The following DDX27 variants were observed in gnomAD, a reference collection of about 807,000 sequenced individuals.
The protein encoded by DDX27 is probable ATP-dependent RNA helicase DDX27.
DDX27 carries 42 observed loss-of-function variants against 99.3 expected under a neutral mutation model. That is an observed-to-expected ratio of 0.42 (90% CI 0.33 to 0.55). The LOEUF (loss-of-function observed/expected upper bound fraction) is 0.55, where lower values mean the gene tolerates loss of function less well. Among genes scored for constraint, DDX27 ranks in the 20% least tolerant of loss-of-function variants. The pLI is 0.07. For synonymous variants in DDX27, 329 were observed against 353.8 expected (o/e 0.93, Z 0.79); for missense variants, 798 against 976.8 (o/e 0.82, Z 2.44).
chr20:49,219,623 C>T, intron 1 of DDX27, 82 bp downstream of exon 1: 2 of 1,401,140 alleles, frequency 1.4e-6, no homozygotes, highest in African/African-American at 1.5e-5. Context: ...CCCGAATCCT[C>T]ATCATCCCCT....
chr20:49,230,039 A>G (rs1211346422), intron 8 of DDX27, among the ~76,000 whole-genome samples, 160 bp from the exon 9 acceptor site: 1 of 151,920 alleles, frequency 6.6e-6, no homozygotes, highest in Non-Finnish European at 1.5e-5. Context: ...TGTCTTTCCC[A>G]GTGCGTTTCT....
chr20:49,219,558 G>A lies in DDX27; in HGVS notation c.93+17G>A. The A allele has an allele frequency of 3.8e-6, 6 of 1,588,314 alleles. No homozygotes were observed. The highest frequency in any genetic ancestry group is 5.2e-6 in the Non-Finnish European group (6 of 1,164,268). ...GAAGAGGAGGTATGAGCACGGTTCT[G>A]GTCTTTGGGTTTCCTTGACTGCTTC... On this transcript the variant is annotated intron_variant, in intron 1 of 20. Coordinates refer to ENST00000618172, the MANE Select transcript of DDX27 (RefSeq NM_017895.8).
chr20:49,235,611 GT>G lies in DDX27; in HGVS notation c.1427+525del, dbSNP rs537925365. On this transcript the variant is annotated intron_variant, in intron 12 of 20. Transcript: ENST00000618172. ...CATCAGTGGGTGCTGAAAGGTGTTTGTTAAAGATAGGCTGATTTAAACTGAG... is the reference window on the plus strand; with the variant it reads ...CATCAGTGGGTGCTGAAAGGTGTTTGTAAAGATAGGCTGATTTAAACTGAG... 880 of 156,644 alleles carry G rather than the reference GT, an allele frequency of 5.6e-3. 2 individuals carry two copies. Among genetic ancestry groups the G allele is most frequent in the Non-Finnish European group, 9.7e-3 (688 of 70,956 alleles). 9.7% of individuals were successfully genotyped at this position (156,644 alleles called of 1,614,324 possible). A position where few individuals can be genotyped will look rare whatever the true frequency, so the allele number is the denominator to read the frequency against.
At position 49,236,301 on chromosome 20, in the gene DDX27, G is replaced by A; in HGVS notation, c.1510-32G>A. Reference sequence around the variant, plus strand: ...TGCCTCTTCGCACCCCCCTTCCCTTGCCAGGCCTGACGTTCATTTTTGACC... The same window carrying A: ...TGCCTCTTCGCACCCCCCTTCCCTTACCAGGCCTGACGTTCATTTTTGACC... On this transcript the variant is annotated intron_variant, in intron 13 of 20. Coordinates refer to ENST00000618172, the MANE Select transcript of DDX27 (RefSeq NM_017895.8). This position sits in a 1 kb window ranked among gnomAD's most constrained non-coding sequence, Gnocchi z 4.1. 2 of 1,568,402 alleles carry A rather than the reference G, an allele frequency of 1.3e-6. No homozygotes were observed. The highest frequency in any genetic ancestry group is 1.2e-5 in the South Asian group (1 of 84,908).
At chr20:49,238,895 C>T in intron 14 of DDX27, 54 bp from the exon 15 acceptor site, 1 of 1,351,502 alleles carries the variant, frequency 7.4e-7, no homozygotes, top group Non-Finnish European at 1.1e-6. Flanking sequence ...AGGTGTGAGC[C>T]ACCATGCCTG....
chr20:49,224,869 C>T lies in DDX27; in HGVS notation c.467-76C>T, dbSNP rs1568971893. Reference sequence around the variant, plus strand: ...CAGAGGCTGAAGTGTGGCATTGGCACTTAGGACAGTGTCCAGCAGGATGCA... The same window carrying T: ...CAGAGGCTGAAGTGTGGCATTGGCATTTAGGACAGTGTCCAGCAGGATGCA... On this transcript the variant is annotated intron_variant, in intron 4 of 20. Transcript: ENST00000618172. 8 of 1,545,696 alleles carry T rather than the reference C, an allele frequency of 5.2e-6. No individual in the cohort carries two copies. In the East Asian group the frequency reaches 1.6e-4, roughly 30 times the overall value.
intron 16 of DDX27, 101 bp downstream of exon 16, chr20:49,239,439 C>T: frequency 1.3e-6 from 1 of 797,942 alleles, no homozygotes; most frequent in South Asian, 1.8e-5. Context: ...CGGTCCCCAA[C>T]CTTTCGGCAC....
chr20:49,241,617 T>G (rs1331611400), intron 16 of DDX27, among the ~76,000 whole-genome samples: 3 of 151,882 alleles, frequency 2.0e-5, no homozygotes, highest in Non-Finnish European at 4.4e-5. Context: ...GGATTACAGG[T>G]GCACCACCAT....
intron 12 of DDX27, 198 bp from the exon 13 acceptor site, chr20:49,235,952 C>G (rs1011953906): frequency 2.6e-6 from 1 of 387,860 alleles, no homozygotes; most frequent in African/African-American, 2.1e-5. Flanking sequence ...ACCGTGTTAG[C>G]GAGGATGGTC....
At position 49,236,039 on chromosome 20, in the gene DDX27, A is replaced by C. The variant is rs546904991; in HGVS notation, c.1428-111A>C. ...ATTACAGGCGTGAGCCACCGTGCCCAGCCTCTATCCCCATTTTAATGCCCT... is the reference window on the plus strand; with the variant it reads ...ATTACAGGCGTGAGCCACCGTGCCCCGCCTCTATCCCCATTTTAATGCCCT... On this transcript the variant is annotated intron_variant, in intron 12 of 20. Coordinates refer to ENST00000618172, the MANE Select transcript of DDX27 (RefSeq NM_017895.8). This position sits in a 1 kb window ranked among gnomAD's most constrained non-coding sequence, Gnocchi z 4.1. 6 of 1,058,778 alleles carry C rather than the reference A, an allele frequency of 5.7e-6. No homozygotes were observed. Among genetic ancestry groups the C allele is most frequent in the Non-Finnish European group, 6.8e-6 (5 of 731,632 alleles). 65.6% of individuals were successfully genotyped at this position (1,058,778 alleles called of 1,614,324 possible). A position where few individuals can be genotyped will look rare whatever the true frequency, so the allele number is the denominator to read the frequency against.
chr20:49,225,092 T>C (rs368113898), intron 5 of DDX27, 21 bp from the exon 6 acceptor site: 11 of 1,612,954 alleles, frequency 6.8e-6, no homozygotes, highest in African/African-American at 1.3e-5. Context: ...TTCTCTTCTC[T>C]CTTTTGGTTT....
chr20:49,233,772 C>T lies in DDX27; in HGVS notation c.1273+63C>T, dbSNP rs191121991. ...TCAGCTTCCTTGAGCTCGTAGTATC[C>T]ATGCTGAAGTGCTTGGTTTCCCCTG... On this transcript the variant is annotated intron_variant, in intron 11 of 20. Transcript: ENST00000618172. 1,099 of 1,568,416 alleles carry T rather than the reference C, an allele frequency of 7.0e-4. 5 individuals carry two copies. In the African/African-American group the frequency reaches 0.013, roughly 18 times the overall value.
chr20:49,223,231 A>C, intron 3 of DDX27, 37 bp from the exon 4 acceptor site: 3 of 1,589,054 alleles, frequency 1.9e-6, no homozygotes, highest in Non-Finnish European at 2.6e-6. Flanking sequence ...GGATTTCTAG[A>C]AGTTTCTCAT....
In DDX27 at chr20:49,230,355, C is replaced by T. The variant is rs201697475; in HGVS notation, c.1031+6C>T. On this transcript the variant is annotated splice_donor_region_variant and intron_variant, in intron 9 of 20. Transcript: ENST00000618172. ...ATCCTGGACGAGGCTGACAGGTGCT[C>T]CTCACAGCCTGGGGCCCAGGGCACT... 6.2e-6 allele frequency: 10 copies of T among 1,603,548 alleles called. No homozygotes were observed. Among genetic ancestry groups the T allele is most frequent in the African/African-American group, 1.3e-5 (1 of 75,020 alleles).
intron 12 of DDX27, chr20:49,235,804 C>T (rs1394136613): frequency 4.9e-5 from 8 of 163,186 alleles, no homozygotes; most frequent in Admixed American, 1.9e-4. Flanking sequence ...AGTGCAGTGG[C>T]GCAATCTTGG....
rs760593785 is a variant in DDX27, at chr20:49,221,603, G to A, written c.240+5G>A. On this transcript the variant is annotated splice_donor_5th_base_variant and intron_variant, in intron 2 of 20. Coordinates refer to ENST00000618172, the MANE Select transcript of DDX27 (RefSeq NM_017895.8). Reference sequence around the variant, plus strand: ...ATGAGCCAACTCAAGAAGAAGGTGAGACTGACAGTGATGGACAGCTCCAGA... The same window carrying A: ...ATGAGCCAACTCAAGAAGAAGGTGAAACTGACAGTGATGGACAGCTCCAGA... 1.2e-5 allele frequency: 19 copies of A among 1,592,214 alleles called. No individual in the cohort carries two copies. The East Asian group carries it at 4.0e-4, about 34-fold the overall frequency.
chr20:49,230,007 G>A (rs1286848152), intron 8 of DDX27, among the ~76,000 whole-genome samples, 192 bp from the exon 9 acceptor site: 1 of 152,154 alleles, frequency 6.6e-6, no homozygotes, highest in African/African-American at 2.4e-5. Flanking sequence ...TTTGCACTTA[G>A]CACAATTTTA....
rs141661734 is a variant in DDX27, at chr20:49,219,416, G to A, written c.-33G>A. On this transcript the variant is annotated 5_prime_UTR_variant, in exon 1 of 21. In the 5' UTR this introduces an upstream ATG that the reference lacks. Coordinates refer to ENST00000618172, the MANE Select transcript of DDX27 (RefSeq NM_017895.8). Reference sequence around the variant, plus strand: ...AAAGTTAAGGGCCGGACCGCAGGCTGTGCTCGCTTCCGGAAGTGGCTTCTG... The same window carrying A: ...AAAGTTAAGGGCCGGACCGCAGGCTATGCTCGCTTCCGGAAGTGGCTTCTG... The A allele has an allele frequency of 9.4e-5, 152 of 1,613,936 alleles. 2 individuals carry two copies. Among genetic ancestry groups the A allele is most frequent in the Middle Eastern group, 5.0e-4 (3 of 6,060 alleles).
At chr20:49,235,432 T>G in intron 12 of DDX27, 1 of 208,600 alleles carries the variant, frequency 4.8e-6, no homozygotes, top group Admixed American at 5.6e-5. Context: ...TTGAACAAGA[T>G]TTAGAGTCAA....
Sources: gnomAD v4.1 joint callset for allele counts (sites outside exome capture counted in the v4.1 genomes callset) on GRCh38, gnomAD v4.1.1 for gene constraint, Gnocchi (gnomAD v3.1) non-coding constraint, MANE v1.5 for transcripts, NCBI Gene and HGNC (gene_info 2026-07-23, HGNC 2026-07-21) for gene names.